ALPK2: variants seen among roughly 807,000 people sequenced by gnomAD.
The protein encoded by ALPK2 is alpha kinase 2, also known as alpha-protein kinase 2.
Under a neutral mutation model 163.1 loss-of-function variants are expected in ALPK2, and 127 were observed. That is an observed-to-expected ratio of 0.78 (90% CI 0.67 to 0.90). The LOEUF (loss-of-function observed/expected upper bound fraction) is 0.90, where lower values mean the gene tolerates loss of function less well. Among genes scored for constraint, ALPK2 ranks in the 40% least tolerant of loss-of-function variants. The probability of loss-of-function intolerance (pLI) is 0.00; values close to 1 mark genes in which losing one functional copy is unlikely to be tolerated. For missense variants in ALPK2, 2,360 were observed against 2,589.6 expected (o/e 0.91, Z 1.92); for synonymous variants, 953 against 959.1 (o/e 0.99, Z 0.12).
In ALPK2 at chr18:58,537,338, T is replaced by C. The variant is rs2051656907; in HGVS notation, c.2849A>G (p.Asn950Ser). 2 of 1,614,122 alleles carry C rather than the reference T, an allele frequency of 1.2e-6. No homozygotes were observed. Among genetic ancestry groups the C allele is most frequent in the Non-Finnish European group, 1.7e-6 (2 of 1,179,990 alleles). The change falls in exon 5 of 13, where the codon AAC becomes AGC. Residue 950 changes from asparagine to serine, a missense_variant. Transcript: ENST00000361673. ...TTCTTTAAATTGCACTAAAGGATTGTTCTCAGAAGAAAGGAGCTGTGTTTC... is the reference window on the plus strand; with the variant it reads ...TTCTTTAAATTGCACTAAAGGATTGCTCTCAGAAGAAAGGAGCTGTGTTTC... ...LDETQLLSSE[N>S]NPLVQFKEGG...
intron 4 of ALPK2, among the ~76,000 whole-genome samples, chr18:58,573,302 G>A (rs1264327005): frequency 2.3e-5 from 3 of 131,398 alleles, no homozygotes; most frequent in African/African-American, 5.8e-5. Flanking sequence ...GTATATATGT[G>A]TGTATATATA....
chr18:58,599,857 T>C (rs991908678), intron 3 of ALPK2, among the ~76,000 whole-genome samples: 1 of 152,092 alleles, frequency 6.6e-6, no homozygotes, highest in African/African-American at 2.4e-5. Flanking sequence ...AAAAGTTAAA[T>C]AATTTGCCCA....
chr18:58,550,791 C>T (rs2051754834), intron 4 of ALPK2, among the ~76,000 whole-genome samples: 1 of 151,294 alleles, frequency 6.6e-6, no homozygotes, highest in Admixed American at 6.6e-5. Flanking sequence ...CCATCCACAT[C>T]TCCATCACAT....
intron 1 of ALPK2, among the ~76,000 whole-genome samples, chr18:58,628,071 A>C (rs1205220087): frequency 2.0e-5 from 3 of 152,196 alleles, no homozygotes; most frequent in Non-Finnish European, 4.4e-5. Flanking sequence ...AGGCTTTTAA[A>C]GTTTAGATGT....
chr18:58,494,360 A>G (rs943942086), intron 12 of ALPK2, among the ~76,000 whole-genome samples: 1 of 152,210 alleles, frequency 6.6e-6, no homozygotes, highest in South Asian at 2.1e-4. Flanking sequence ...GAAATATGAC[A>G]TACTCCTGTT....
At chr18:58,604,961 G>T (rs927510015) in intron 3 of ALPK2, among the ~76,000 whole-genome samples, 1 of 152,140 alleles carries the variant, frequency 6.6e-6, no homozygotes, top group Non-Finnish European at 1.5e-5. Context: ...CCTGTATATG[G>T]AACATAAAAC....
At chr18:58,526,782 C>CTTTAGCCTGTTAAATCCAG (rs1491325294) in intron 6 of ALPK2, among the ~76,000 whole-genome samples, 67 of 152,312 alleles carry the variant, frequency 4.4e-4, no homozygotes, top group Non-Finnish European at 8.5e-4. Flanking sequence ...CTAATTTCCA[C>CTTTAGCCTGTTAAATCCAG]GCTTTAGCCT....
At position 58,538,017 on chromosome 18, in the gene ALPK2, C is replaced by T; in HGVS notation, c.2170G>A (p.Asp724Asn). The change falls in exon 5 of 13, where the codon GAC (aspartate) becomes AAC (asparagine). Residue 724 changes from aspartate to asparagine, a missense_variant. Transcript: ENST00000361673. The stretch of plus-strand genomic sequence containing the variant: ...TTGTCAGGTATGTTGCCATCTCTGT[C>T]TTGTTTTTCTTCATGCTGTGGACCA... Reference protein sequence around the residue: ...TCGPQHEEKQDRDGNIPDNFR... With the variant: ...TCGPQHEEKQNRDGNIPDNFR... 1 of 1,614,196 alleles carries T rather than the reference C, an allele frequency of 6.2e-7. No homozygotes were observed. Among genetic ancestry groups the T allele is most frequent in the Non-Finnish European group, 8.5e-7 (1 of 1,180,028 alleles).
At chr18:58,485,723 T>G (rs1256550678) in intron 12 of ALPK2, among the ~76,000 whole-genome samples, 12 of 152,160 alleles carry the variant, frequency 7.9e-5, no homozygotes, top group Admixed American at 7.9e-4. Flanking sequence ...GCCTGAGCGC[T>G]CTCTCCCTGG....
At chr18:58,546,344 G>A (rs1449413704) in intron 4 of ALPK2, among the ~76,000 whole-genome samples, 1 of 152,128 alleles carries the variant, frequency 6.6e-6, no homozygotes, top group Non-Finnish European at 1.5e-5. Flanking sequence ...GCTGGGAGAG[G>A]CCTGGGTTTC....
At position 58,562,836 on chromosome 18, in the gene ALPK2, C is replaced by T. The variant is rs78346188; in HGVS notation, c.1962+15978G>A. Among the ~76,000 whole-genome samples, 1,265 of 152,300 alleles carry T rather than the reference C, an allele frequency of 8.3e-3. 22 individuals are homozygous for T. The highest frequency in any genetic ancestry group is 0.028 in the African/African-American group (1,178 of 41,566). ...GGTGGCTGCCTTCTCGTTGTGTCCTCAGATGGCAGAAAGAAGAGAGGAAGC... is the reference window on the plus strand; with the variant it reads ...GGTGGCTGCCTTCTCGTTGTGTCCTTAGATGGCAGAAAGAAGAGAGGAAGC... On this transcript the variant is annotated intron_variant, in intron 4 of 12. Coordinates refer to ENST00000361673, the MANE Select transcript of ALPK2 (RefSeq NM_052947.4).
intron 4 of ALPK2, among the ~76,000 whole-genome samples, chr18:58,547,684 T>C (rs956281327): frequency 2.0e-5 from 3 of 152,228 alleles, no homozygotes; most frequent in Admixed American, 1.3e-4. Context: ...TATGGCTTCT[T>C]CCCAGAAAGT....
At chr18:58,601,446 G>C (rs2144221390) in intron 3 of ALPK2, among the ~76,000 whole-genome samples, 1 of 152,274 alleles carries the variant, frequency 6.6e-6, no homozygotes, top group South Asian at 2.1e-4. Context: ...ATGTGACTTT[G>C]CCACTCTTCA....
chr18:58,590,369 T>C (rs1167126323), intron 3 of ALPK2, among the ~76,000 whole-genome samples: 1 of 152,148 alleles, frequency 6.6e-6, no homozygotes, highest in Non-Finnish European at 1.5e-5. Context: ...GTCTGTAGTG[T>C]CTTCACCCCT....
chr18:58,504,195 A>G, intron 10 of ALPK2, 47 bp from the exon 11 acceptor site: 1 of 1,510,242 alleles, frequency 6.6e-7, no homozygotes, highest in Non-Finnish European at 9.2e-7. Flanking sequence ...TCTACTGGGA[A>G]GAGAGGCTCC....
chr18:58,556,357 A>G (rs2144170698), intron 4 of ALPK2, among the ~76,000 whole-genome samples: 1 of 152,318 alleles, frequency 6.6e-6, no homozygotes, highest in African/African-American at 2.4e-5. Flanking sequence ...GAAGCTATTT[A>G]ACCTCATCGA....
intron 1 of ALPK2, among the ~76,000 whole-genome samples, chr18:58,625,096 A>G (rs2052222648): frequency 6.6e-6 from 1 of 151,766 alleles, no homozygotes. Context: ...ACCACTTTCC[A>G]TCTCAATCTG....
At chr18:58,604,785 C>T (rs1277445772) in intron 3 of ALPK2, among the ~76,000 whole-genome samples, 3 of 152,150 alleles carry the variant, frequency 2.0e-5, no homozygotes, top group Admixed American at 1.3e-4. Context: ...AGCCACTGCC[C>T]TGCTGGATCT....
chr18:58,573,394 ATG>A (rs1179813317), intron 4 of ALPK2, among the ~76,000 whole-genome samples: 3 of 142,190 alleles, frequency 2.1e-5, no homozygotes, highest in Admixed American at 7.0e-5. Flanking sequence ...ATATATATAT[ATG>A]TGTGTATATA....
Sources: allele counts gnomAD v4.1 joint callset (sites outside exome capture counted in the v4.1 genomes callset), GRCh38; gene constraint gnomAD v4.1.1; transcripts MANE v1.5; gene names NCBI Gene and HGNC (gene_info 2026-07-23, HGNC 2026-07-21).